The following AK4 variants were observed in gnomAD, a reference collection of about 807,000 sequenced individuals.
The protein encoded by AK4 is adenylate kinase 4.
Under a neutral mutation model 24.6 loss-of-function variants are expected in AK4, and 13 were observed. The observed-to-expected ratio is 0.53, with a 90% CI of 0.34 to 0.84. The LOEUF is 0.84. AK4 is among the 40% of genes least tolerant of loss of function. AK4 has a pLI of 0.01. For synonymous variants in AK4, 88 were observed against 107.0 expected (o/e 0.82, Z 1.10); for missense variants, 192 against 288.2 (o/e 0.67, Z 2.42).
chr1:65,159,988 A>AG (rs1290860242), intron 1 of AK4, among the ~76,000 whole-genome samples: 1 of 151,688 alleles, frequency 6.6e-6, no homozygotes, highest in African/African-American at 2.4e-5. Flanking sequence ...AAAAAAAAAA[A>AG]AAGTTGAGTG....
chr1:65,226,286 T>G lies in AK4; in HGVS notation c.*109T>G. ...TAGCTGAGGTAGCTTGCAGCATCTT[T>G]TCTAGTTGAAATGGTGAACTGATAG... On this transcript the variant is annotated 3_prime_UTR_variant, in exon 5 of 5. Coordinates refer to ENST00000327299, the MANE Select transcript of AK4 (RefSeq NM_013410.4). The G allele has an allele frequency of 1.2e-6, 1 of 856,504 alleles. No individual in the cohort carries two copies. The highest frequency in any genetic ancestry group is 1.8e-6 in the Non-Finnish European group (1 of 560,232). The allele number at this position is 856,504 out of a possible 1,614,324, so 53.1% of individuals were successfully genotyped here.
At chr1:65,202,913 C>G (rs574432518) in intron 2 of AK4, among the ~76,000 whole-genome samples, 1 of 114,688 alleles carries the variant, frequency 8.7e-6, no homozygotes. Context: ...GCTCTGTCAC[C>G]CAGACTGGAG....
intron 1 of AK4, chr1:65,154,472 A>C: frequency 1.9e-6 from 1 of 517,454 alleles, no homozygotes; most frequent in Non-Finnish European, 3.8e-6. Context: ...TGCACTCCTG[A>C]CAGCAAGATG....
At chr1:65,169,771 T>C (rs532438343) in intron 1 of AK4, among the ~76,000 whole-genome samples, 57 of 152,178 alleles carry the variant, frequency 3.7e-4, no homozygotes, top group African/African-American at 1.3e-3. Flanking sequence ...ATATGTAGGG[T>C]CAGGTCCTAT....
At chr1:65,201,770 G>T (rs1445899593) in intron 2 of AK4, among the ~76,000 whole-genome samples, 5 of 152,126 alleles carry the variant, frequency 3.3e-5, no homozygotes, top group Admixed American at 1.3e-4. Flanking sequence ...GCTTCCTGGA[G>T]AAGCTGACAC....
At chr1:65,203,118 C>T (rs1178693611) in intron 2 of AK4, among the ~76,000 whole-genome samples, 1 of 152,084 alleles carries the variant, frequency 6.6e-6, no homozygotes, top group Admixed American at 6.6e-5. Flanking sequence ...AGCAATCCTC[C>T]TGTCTCAGCC....
At chr1:65,148,195 T>G, upstream of AK4, 1 of 1,023,208 alleles carries the variant, frequency 9.8e-7, no homozygotes, top group Non-Finnish European at 1.4e-6. Flanking sequence ...AGGTGTAGCG[T>G]GGCGCTCAGT....
Position 65,218,102 on chromosome 1 carries a change from G to A in AK4, c.266-652G>A, listed in dbSNP as rs374058277. ...CAGTATTTATGATAGTCACCATGCT[G>A]TTAATCAGATTGCCTACCTTGGTTA... On this transcript the variant is annotated intron_variant, in intron 2 of 4. Coordinates refer to ENST00000327299, the MANE Select transcript of AK4 (RefSeq NM_013410.4). 3.3e-5 allele frequency among the ~76,000 whole-genome samples: 5 copies of A among 152,220 alleles called. No homozygotes were observed. The East Asian group carries it at 5.8e-4, about 18-fold the overall frequency.
intron 1 of AK4, among the ~76,000 whole-genome samples, chr1:65,182,684 T>G (rs1173079164): frequency 1.3e-5 from 2 of 152,178 alleles, no homozygotes; most frequent in Non-Finnish European, 2.9e-5. Context: ...AAAACAAATC[T>G]TTTTGTCTCC....
In AK4 at chr1:65,190,682, A is replaced by G. The variant is rs760158861; in HGVS notation, c.146-28A>G. On this transcript the variant is annotated intron_variant, in intron 1 of 4. Coordinates refer to ENST00000327299, the MANE Select transcript of AK4 (RefSeq NM_013410.4). Reference sequence around the variant, plus strand: ...TTGTGTTTGGGAAATTTTCTTGAATACCTCTTTTTTTCTTGTCTTTTTAAT... The same window carrying G: ...TTGTGTTTGGGAAATTTTCTTGAATGCCTCTTTTTTTCTTGTCTTTTTAAT... The G allele has an allele frequency of 2.5e-6, 4 of 1,602,400 alleles. No individual in the cohort carries two copies. In the Admixed American group the frequency reaches 5.2e-5, roughly 21 times the overall value.
chr1:65,217,510 CA>C (rs1450565521), intron 2 of AK4, among the ~76,000 whole-genome samples: 3 of 152,120 alleles, frequency 2.0e-5, no homozygotes, highest in African/African-American at 4.8e-5. Flanking sequence ...GATATAAAGA[CA>C]TTTTTTTAGA....
At position 65,174,598 on chromosome 1, in the gene AK4, A is replaced by G. The variant is rs529387919; in HGVS notation, c.146-16112A>G. 2.0e-5 allele frequency among the ~76,000 whole-genome samples: 3 copies of G among 152,270 alleles called. No individual in the cohort carries two copies. In the South Asian group the frequency reaches 6.2e-4, roughly 32 times the overall value. On this transcript the variant is annotated intron_variant, in intron 1 of 4. Coordinates refer to ENST00000327299, the MANE Select transcript of AK4 (RefSeq NM_013410.4). ...CTGAGCTCAACAAGACCTGCCCTTG[A>G]GGTGTTCTCAGTTCACAAGGGGAAA... is the stretch of plus-strand genomic sequence containing the variant.
intron 2 of AK4, among the ~76,000 whole-genome samples, chr1:65,215,471 C>T (rs979909734): frequency 6.6e-6 from 1 of 152,136 alleles, no homozygotes; most frequent in African/African-American, 2.4e-5. Flanking sequence ...CATGTCCGAC[C>T]CTGATTTTTT....
At chr1:65,185,419 A>C (rs913932866) in intron 1 of AK4, among the ~76,000 whole-genome samples, 1 of 152,076 alleles carries the variant, frequency 6.6e-6, no homozygotes, top group South Asian at 2.1e-4. Context: ...CTGCCCATCT[A>C]GCACCATCTC....
At chr1:65,167,594 G>A (rs1650375639) in intron 1 of AK4, among the ~76,000 whole-genome samples, 1 of 151,626 alleles carries the variant, frequency 6.6e-6, no homozygotes, top group Admixed American at 6.6e-5. Context: ...TGGTTTTCTA[G>A]GGTTCTTAGA....
At chr1:65,201,299 T>G (rs1651656747) in intron 2 of AK4, among the ~76,000 whole-genome samples, 1 of 152,196 alleles carries the variant, frequency 6.6e-6, no homozygotes, top group Non-Finnish European at 1.5e-5. Context: ...GATTCTGTCC[T>G]GCGTTCGTGT....
chr1:65,198,424 A>G (rs1020862103), intron 2 of AK4, among the ~76,000 whole-genome samples: 1 of 152,238 alleles, frequency 6.6e-6, no homozygotes, highest in Non-Finnish European at 1.5e-5. Context: ...TGGGTCCTGA[A>G]TATTTCTAAA....
intron 1 of AK4, among the ~76,000 whole-genome samples, chr1:65,182,807 C>G (rs1650954771): frequency 6.6e-6 from 1 of 152,188 alleles, no homozygotes; most frequent in South Asian, 2.1e-4. Context: ...CATTGTTTGA[C>G]TAAACGCTTT....
At chr1:65,204,999 A>T (rs920064121) in intron 2 of AK4, among the ~76,000 whole-genome samples, 2 of 152,184 alleles carry the variant, frequency 1.3e-5, no homozygotes, top group Admixed American at 6.5e-5. Context: ...ACTGTATCTG[A>T]GTAAAGGTGC....
Sources: allele counts gnomAD v4.1 joint callset (sites outside exome capture counted in the v4.1 genomes callset), GRCh38; gene constraint gnomAD v4.1.1; transcripts MANE v1.5; gene names NCBI Gene and HGNC (gene_info 2026-07-23, HGNC 2026-07-21).